TMEM108: variants seen among roughly 807,000 people sequenced by gnomAD.
TMEM108 encodes transmembrane protein 108.
TMEM108 carries 12 observed loss-of-function variants against 35.1 expected under a neutral mutation model. The observed-to-expected ratio is 0.34, with a 90% CI of 0.22 to 0.55. The LOEUF is 0.55. TMEM108 is among the 20% of genes least tolerant of loss of function. The pLI is 0.89. For missense variants in TMEM108, 680 were observed against 753.3 expected (o/e 0.90, Z 1.14); for synonymous variants, 287 against 308.6 (o/e 0.93, Z 0.73).
chr3:133,135,479 G>T (rs927335610), intron 2 of TMEM108, among the ~76,000 whole-genome samples: 1 of 152,168 alleles, frequency 6.6e-6, no homozygotes, highest in African/African-American at 2.4e-5. Flanking sequence ...GCTTAGGCGC[G>T]GGTTGGTGCC....
At chr3:133,070,745 A>ATGTGTG (rs10530634) in intron 2 of TMEM108, among the ~76,000 whole-genome samples, 28,149 of 148,262 alleles carry the variant, frequency 0.19, 2,765 homozygotes, top group East Asian at 0.29. Flanking sequence ...TCTCTGATGT[A>ATGTGTG]TGTGTGTGTG....
chr3:133,084,983 CCAGA>C (rs1195256175), intron 2 of TMEM108, among the ~76,000 whole-genome samples: 3 of 152,158 alleles, frequency 2.0e-5, no homozygotes, highest in Non-Finnish European at 4.4e-5. Flanking sequence ...TTCAGTTATA[CCAGA>C]CAGTCGTCTT....
At chr3:133,088,476 G>C (rs1943909975) in intron 2 of TMEM108, among the ~76,000 whole-genome samples, 1 of 152,196 alleles carries the variant, frequency 6.6e-6, no homozygotes, top group African/African-American at 2.4e-5. Context: ...TGAGAAGAAA[G>C]TAATTGAGAG....
intron 3 of TMEM108, among the ~76,000 whole-genome samples, chr3:133,258,840 G>A (rs1946585060): frequency 6.6e-6 from 1 of 152,214 alleles, no homozygotes. Flanking sequence ...GAATTGTTAT[G>A]TAGGCAACAA....
At chr3:133,124,167 A>AG (rs1488224552) in intron 2 of TMEM108, among the ~76,000 whole-genome samples, 1 of 152,210 alleles carries the variant, frequency 6.6e-6, no homozygotes, top group African/African-American at 2.4e-5. Flanking sequence ...GAATTCACTG[A>AG]GGGGAAAAAA....
intron 3 of TMEM108, among the ~76,000 whole-genome samples, chr3:133,315,965 G>A (rs1174681651): frequency 1.3e-5 from 2 of 152,178 alleles, no homozygotes; most frequent in African/African-American, 4.8e-5. Context: ...CCTCAAAATA[G>A]ACCTCCGCAC....
intron 2 of TMEM108, among the ~76,000 whole-genome samples, chr3:133,228,160 C>G (rs1037644414): frequency 1.3e-5 from 2 of 148,748 alleles, no homozygotes; most frequent in African/African-American, 5.0e-5. Flanking sequence ...ACCTTAAAGG[C>G]TGAATTTTAT....
chr3:133,093,183 G>A (rs1163737330), intron 2 of TMEM108, among the ~76,000 whole-genome samples: 1 of 152,046 alleles, frequency 6.6e-6, no homozygotes, highest in African/African-American at 2.4e-5. Context: ...TAGAGACGAG[G>A]TTTCACCATG....
intron 2 of TMEM108, among the ~76,000 whole-genome samples, chr3:133,090,788 A>G (rs1448413116): frequency 6.6e-6 from 1 of 152,166 alleles, no homozygotes; most frequent in African/African-American, 2.4e-5. Flanking sequence ...GAATTTAAGG[A>G]CATATATCTT....
At chr3:133,073,504 CTCTCTCTATATATA>C (rs1056613458) in intron 2 of TMEM108, among the ~76,000 whole-genome samples, 2 of 85,942 alleles carry the variant, frequency 2.3e-5, no homozygotes, top group African/African-American at 1.1e-4. Flanking sequence ...CTCTCTCTCT[CTCTCTCTATATATA>C]TATATATATA....
intron 2 of TMEM108, among the ~76,000 whole-genome samples, chr3:133,177,172 A>G (rs201761895): frequency 6.6e-6 from 1 of 152,078 alleles, no homozygotes; most frequent in East Asian, 1.9e-4. Context: ...AGGCAATAAT[A>G]AATAGCTTAC....
intron 3 of TMEM108, chr3:133,378,256 G>A: frequency 1.2e-6 from 1 of 836,524 alleles, no homozygotes; most frequent in Non-Finnish European, 1.4e-6. Flanking sequence ...CCCATGCCCA[G>A]GCTCCACCAC....
chr3:133,381,696 TTTCTCTCCTCCTGCCCCTC>T (rs1228161187), intron 4 of TMEM108, among the ~76,000 whole-genome samples: 1 of 152,134 alleles, frequency 6.6e-6, no homozygotes, highest in Non-Finnish European at 1.5e-5. Context: ...TTTCTTGTGT[TTTCTCTCCTCCTGCCCCTC>T]TTCTCTCCTT....
At chr3:133,345,287 T>C (rs1054051110) in intron 3 of TMEM108, among the ~76,000 whole-genome samples, 3 of 151,898 alleles carry the variant, frequency 2.0e-5, no homozygotes, top group African/African-American at 7.2e-5. Context: ...GCCATTAATA[T>C]AGATCATGAG....
intron 2 of TMEM108, among the ~76,000 whole-genome samples, chr3:133,107,245 C>T (rs1049096047): frequency 6.6e-6 from 1 of 152,142 alleles, no homozygotes; most frequent in African/African-American, 2.4e-5. Context: ...CTTCCTGCTT[C>T]ATCTTTTTTG....
In TMEM108 at chr3:133,302,129, G is replaced by T. The variant is rs185536498; in HGVS notation, c.40+72778G>T. 2.9e-3 allele frequency among the ~76,000 whole-genome samples: 435 copies of T among 152,266 alleles called. 8 individuals are homozygous for T. The highest frequency in any genetic ancestry group is 0.01 in the African/African-American group (421 of 41,522). On this transcript the variant is annotated intron_variant, in intron 3 of 5. Coordinates refer to ENST00000321871, the MANE Select transcript of TMEM108 (RefSeq NM_023943.4). ...CTATCATTGTCTAAAGCTCAAACTG[G>T]CTCTTAAATCTAGTGAATCCATGAT...
intron 2 of TMEM108, among the ~76,000 whole-genome samples, chr3:133,201,262 T>C (rs1242068584): frequency 6.6e-6 from 1 of 152,176 alleles, no homozygotes; most frequent in Non-Finnish European, 1.5e-5. Flanking sequence ...TAGCCAATTT[T>C]CTTCAACTTT....
At chr3:133,224,952 T>G (rs1213333731) in intron 2 of TMEM108, among the ~76,000 whole-genome samples, 2 of 152,162 alleles carry the variant, frequency 1.3e-5, no homozygotes, top group African/African-American at 4.8e-5. Flanking sequence ...GTCTCAATAT[T>G]TCTTGTGTAT....
intron 3 of TMEM108, among the ~76,000 whole-genome samples, chr3:133,325,171 G>A (rs1050965720): frequency 1.1e-4 from 17 of 152,234 alleles, no homozygotes; most frequent in African/African-American, 4.1e-4. Flanking sequence ...ATGAAATAAT[G>A]GCATTCAAAG....
Sources: allele counts gnomAD v4.1 joint callset (sites outside exome capture counted in the v4.1 genomes callset), GRCh38; gene constraint gnomAD v4.1.1; transcripts MANE v1.5; gene names NCBI Gene and HGNC (gene_info 2026-07-23, HGNC 2026-07-21).